The following CFAP70 variants were observed in gnomAD, a reference collection of about 807,000 sequenced individuals.
CFAP70 encodes the protein cilia- and flagella-associated protein 70.
CFAP70 carries 81 observed loss-of-function variants against 137.6 expected under a neutral mutation model. The observed-to-expected ratio is 0.59, with a 90% CI of 0.49 to 0.71. The LOEUF (loss-of-function observed/expected upper bound fraction) is 0.71, where lower values mean the gene tolerates loss of function less well. CFAP70 is among the 30% of genes least tolerant of loss of function. The pLI is 0.00. For synonymous variants in CFAP70, 382 were observed against 423.6 expected (o/e 0.90, Z 1.20); for missense variants, 976 against 1,226.7 (o/e 0.80, Z 3.05).
At chr10:73,353,487 CT>C in intron 3 of CFAP70, 68 bp downstream of exon 3, 2 of 1,371,416 alleles carry the variant, frequency 1.5e-6, no homozygotes, top group Non-Finnish European at 2.0e-6. Context: ...TTTGGTTGTG[CT>C]TTTCCCATCC....
intron 1 of CFAP70, among the ~76,000 whole-genome samples, chr10:73,358,387 G>A (rs2054830990): frequency 6.6e-6 from 1 of 152,222 alleles, no homozygotes; most frequent in Non-Finnish European, 1.5e-5. Context: ...CAAGGGGAGA[G>A]TCCAGTGAGA....
chr10:73,299,667 T>C lies in CFAP70; in HGVS notation c.1257-2A>G. ...CTTGGAGGAATCATTTCCTTGACCCTGTATCAGGAAAGAAAAAAAATAAAA... is the reference window on the plus strand; with the variant it reads ...CTTGGAGGAATCATTTCCTTGACCCCGTATCAGGAAAGAAAAAAAATAAAA... On this transcript the variant is annotated splice_acceptor_variant, in intron 12 of 26. Coordinates refer to ENST00000310715, the Ensembl canonical transcript of CFAP70. LOFTEE classifies it high-confidence loss of function. 1 of 1,608,054 alleles carries C rather than the reference T, an allele frequency of 6.2e-7. No individual in the cohort carries two copies. Among genetic ancestry groups the C allele is most frequent in the Non-Finnish European group, 8.5e-7 (1 of 1,177,522 alleles).
exon 15 of CFAP70, chr10:73,297,165 C>G: frequency 6.2e-7 from 1 of 1,612,282 alleles, no homozygotes; most frequent in Non-Finnish European, 8.5e-7. Context: ...CAATCTTTAC[C>G]ACAGCATGCT....
chr10:73,361,627 ATCTT>A (rs1399364414), upstream of CFAP70, among the ~76,000 whole-genome samples: 3 of 152,190 alleles, frequency 2.0e-5, no homozygotes, highest in South Asian at 2.1e-4. Context: ...CTATAAAAAT[ATCTT>A]TCTAATAAAA....
chr10:73,315,153 G>C (rs1217703723), intron 9 of CFAP70, among the ~76,000 whole-genome samples: 1 of 149,900 alleles, frequency 6.7e-6, no homozygotes, highest in South Asian at 2.1e-4. Flanking sequence ...GTAGTTCAAG[G>C]CTGCAGTGAG....
At chr10:73,293,338 A>G (rs773438492) in exon 16 of CFAP70, 1 of 1,612,296 alleles carries the variant, frequency 6.2e-7, no homozygotes, top group African/African-American at 1.3e-5. Flanking sequence ...GAAGCTGTTC[A>G]CTGCTTGTAT....
intron 3 of CFAP70, among the ~76,000 whole-genome samples, chr10:73,350,911 C>T (rs189978495): frequency 7.9e-5 from 12 of 151,240 alleles, no homozygotes; most frequent in African/African-American, 2.7e-4. Flanking sequence ...CAAGTGCTCA[C>T]CACCATACCC....
chr10:73,320,779 T>C (rs958368338), intron 9 of CFAP70, among the ~76,000 whole-genome samples: 2 of 152,002 alleles, frequency 1.3e-5, no homozygotes, highest in African/African-American at 4.8e-5. Flanking sequence ...GCAATTCTCC[T>C]GCCTCAGCCT....
chr10:73,265,830 A>T (rs1332396786), intron 25 of CFAP70, among the ~76,000 whole-genome samples: 1 of 150,720 alleles, frequency 6.6e-6, no homozygotes, highest in Non-Finnish European at 1.5e-5. Context: ...TTGATATTTA[A>T]TAGGAAAGCC....
chr10:73,316,498 A>ATC (rs1340538449), intron 9 of CFAP70, among the ~76,000 whole-genome samples: 4 of 143,428 alleles, frequency 2.8e-5, no homozygotes, highest in African/African-American at 5.3e-5. Flanking sequence ...ATATATATAT[A>ATC]TATATATATA....
intron 19 of CFAP70, among the ~76,000 whole-genome samples, chr10:73,288,200 C>T (rs2047893507): frequency 6.6e-6 from 1 of 152,000 alleles, no homozygotes. Context: ...CCCGGCCAAA[C>T]ATATCAAAAA....
intron 14 of CFAP70, 30 bp from the exon 16 acceptor site, chr10:73,297,203 A>G: frequency 6.2e-7 from 1 of 1,603,934 alleles, no homozygotes; most frequent in Non-Finnish European, 8.5e-7. Context: ...CCCATCTGAT[A>G]ATACAGTCCA....
At chr10:73,324,852 A>G (rs1305997294) in intron 8 of CFAP70, among the ~76,000 whole-genome samples, 2 of 152,248 alleles carry the variant, frequency 1.3e-5, no homozygotes. Context: ...GACCAAATCT[A>G]CGTCTGATTG....
chr10:73,311,955 A>G lies in CFAP70; in HGVS notation c.1084-41T>C, dbSNP rs183278630. On this transcript the variant is annotated intron_variant, in intron 10 of 26. Transcript: ENST00000310715. ...CACACCTCAAAAATTGAATTCCTAC[A>G]CAGTCTTCATAGTGACAAGAACAAT... 620 of 1,435,228 alleles carry G rather than the reference A, an allele frequency of 4.3e-4. No individual in the cohort carries two copies. In the African/African-American group the frequency reaches 7.8e-3, roughly 18 times the overall value. 88.9% of individuals were successfully genotyped at this position (1,435,228 alleles called of 1,614,324 possible). A position where few individuals can be genotyped will look rare whatever the true frequency, so the allele number is the denominator to read the frequency against.
At chr10:73,290,788 A>G (rs940018042) in intron 19 of CFAP70, among the ~76,000 whole-genome samples, 2 of 152,130 alleles carry the variant, frequency 1.3e-5, no homozygotes, top group African/African-American at 4.8e-5. Flanking sequence ...CTCTGTTAGA[A>G]TGGTGCCCCT....
chr10:73,298,408 T>C (rs2048698789), intron 14 of CFAP70, among the ~76,000 whole-genome samples: 1 of 152,168 alleles, frequency 6.6e-6, no homozygotes, highest in Non-Finnish European at 1.5e-5. Flanking sequence ...GAGTTTTTTG[T>C]TTTTGTTTAT....
intron 6 of CFAP70, among the ~76,000 whole-genome samples, chr10:73,338,388 A>C (rs1343201904): frequency 1.3e-5 from 2 of 150,898 alleles, no homozygotes; most frequent in Non-Finnish European, 2.9e-5. Context: ...GGCCTCCCAA[A>C]GTGCTGGGAT....
At chr10:73,312,946 G>A (rs936992232) in intron 9 of CFAP70, among the ~76,000 whole-genome samples, 4 of 152,086 alleles carry the variant, frequency 2.6e-5, no homozygotes, top group Admixed American at 1.3e-4. Context: ...ACAGAATTTC[G>A]AATTAGGCTA....
intron 7 of CFAP70, among the ~76,000 whole-genome samples, chr10:73,335,130 T>C (rs2052523096): frequency 6.7e-6 from 1 of 149,818 alleles, no homozygotes; most frequent in South Asian, 2.1e-4. Context: ...AACTCTTGGC[T>C]TCCAGAGATC....
Sources: gnomAD v4.1 joint callset for allele counts (sites outside exome capture counted in the v4.1 genomes callset) on GRCh38, gnomAD v4.1.1 for gene constraint, MANE v1.5 for transcripts, NCBI Gene and HGNC (gene_info 2026-07-23, HGNC 2026-07-21) for gene names.